The following ADAM2 variants were observed in gnomAD, a reference collection of about 807,000 sequenced individuals.
The protein encoded by ADAM2 is ADAM metallopeptidase domain 2.
Under a neutral mutation model 99.3 loss-of-function variants are expected in ADAM2, and 101 were observed. The observed-to-expected ratio is 1.02, with a 90% CI of 0.87 to 1.20. ADAM2 has a LOEUF of 1.20. Ranked by LOEUF, ADAM2 falls within the 50% of genes most tolerant of loss-of-function variation. The pLI is 0.00. For synonymous variants in ADAM2, 323 were observed against 287.6 expected (o/e 1.12, Z -1.25); for missense variants, 948 against 878.7 (o/e 1.08, Z -1.00).
intron 11 of ADAM2, among the ~76,000 whole-genome samples, chr8:39,771,063 C>T (rs1586075868): frequency 2.0e-5 from 3 of 152,168 alleles, no homozygotes; most frequent in East Asian, 3.9e-4. Flanking sequence ...TCATTCAGAG[C>T]AAAATCAGTG....
chr8:39,821,629 A>G lies in ADAM2; in HGVS notation c.301T>C (p.Tyr101His), dbSNP rs1335038638. 3.1e-6 allele frequency: 5 copies of G among 1,608,528 alleles called. No homozygotes were observed. The highest frequency in any genetic ancestry group is 4.3e-6 in the Non-Finnish European group (5 of 1,175,460). ...FCHYQGYIEG[Y>H]PKSVVMVSTC... ...CTAACCATCACCACAGATTTTGGAT[A>G]ACCTTCAATATACCCTTGGTAGTGG... The change falls in exon 5 of 21, where the codon TAT becomes CAT. Residue 101 changes from tyrosine (Y) to histidine (H), a missense_variant. Tyr to His is a moderately conservative substitution (Grantham distance 83, BLOSUM62 2). Transcript: ENST00000265708.
At chr8:39,766,339 C>G (rs1457081508) in intron 14 of ADAM2, among the ~76,000 whole-genome samples, 4 of 151,992 alleles carry the variant, frequency 2.6e-5, no homozygotes, top group African/African-American at 4.8e-5. Flanking sequence ...ATCTTTCCCT[C>G]TATTATTTTG....
At chr8:39,767,446 G>T (rs1014997964) in intron 12 of ADAM2, among the ~76,000 whole-genome samples, 195 bp from the exon 13 acceptor site, 1 of 152,164 alleles carries the variant, frequency 6.6e-6, no homozygotes, top group African/African-American at 2.4e-5. Context: ...CAGACCATGT[G>T]TTGCTCATAT....
At chr8:39,785,632 C>T (rs1203545121) in intron 10 of ADAM2, among the ~76,000 whole-genome samples, 1 of 151,908 alleles carries the variant, frequency 6.6e-6, no homozygotes, top group South Asian at 2.1e-4. Flanking sequence ...TTTGTCTCTA[C>T]CAAAAATACA....
intron 1 of ADAM2, among the ~76,000 whole-genome samples, chr8:39,837,420 G>C (rs557633231): frequency 6.7e-6 from 1 of 148,170 alleles, no homozygotes; most frequent in Admixed American, 6.8e-5. Context: ...TCACTCTGTC[G>C]CCCAGGCCCA....
At chr8:39,813,248 A>G (rs1452851692) in intron 6 of ADAM2, among the ~76,000 whole-genome samples, 2 of 152,190 alleles carry the variant, frequency 1.3e-5, no homozygotes, top group East Asian at 1.9e-4. Context: ...TAGAATGGTG[A>G]TCATTAAAAA....
At chr8:39,793,221 C>T (rs1563361706) in intron 7 of ADAM2, among the ~76,000 whole-genome samples, 2 of 152,114 alleles carry the variant, frequency 1.3e-5, no homozygotes, top group Admixed American at 6.6e-5. Context: ...GGTCTGAAGT[C>T]TACGTTCTGT....
chr8:39,775,236 T>C (rs1171092974), intron 11 of ADAM2, among the ~76,000 whole-genome samples: 1 of 152,130 alleles, frequency 6.6e-6, no homozygotes, highest in Non-Finnish European at 1.5e-5. Flanking sequence ...TTGACATTCA[T>C]AGATGTCAAA....
intron 10 of ADAM2, among the ~76,000 whole-genome samples, chr8:39,784,765 A>C (rs899016224): frequency 1.3e-5 from 2 of 152,202 alleles, no homozygotes; most frequent in Non-Finnish European, 2.9e-5. Context: ...AGTATAAGTC[A>C]CATTCTCCAA....
At chr8:39,798,815 G>GT (rs892683967) in intron 7 of ADAM2, among the ~76,000 whole-genome samples, 23 of 151,854 alleles carry the variant, frequency 1.5e-4, no homozygotes, top group South Asian at 4.2e-4. Flanking sequence ...AGACTCTCCA[G>GT]TTTTTTTTGC....
At chr8:39,773,918 A>G (rs917199488) in intron 11 of ADAM2, among the ~76,000 whole-genome samples, 1 of 151,962 alleles carries the variant, frequency 6.6e-6, no homozygotes, top group East Asian at 1.9e-4. Context: ...ATTAATATAC[A>G]GGCAAATATA....
chr8:39,830,648 C>A (rs1805575337), intron 3 of ADAM2, among the ~76,000 whole-genome samples: 1 of 152,064 alleles, frequency 6.6e-6, no homozygotes, highest in Non-Finnish European at 1.5e-5. Context: ...GGTTTAATGT[C>A]CTCTGGTCAT....
At chr8:39,764,035 C>T (rs1563341843) in intron 14 of ADAM2, among the ~76,000 whole-genome samples, 1 of 152,188 alleles carries the variant, frequency 6.6e-6, no homozygotes, top group Non-Finnish European at 1.5e-5. Flanking sequence ...GGTTGCCAAT[C>T]AAATAGTCTG....
intron 7 of ADAM2, among the ~76,000 whole-genome samples, chr8:39,795,193 T>A (rs1034632201): frequency 6.6e-6 from 1 of 152,068 alleles, no homozygotes; most frequent in Non-Finnish European, 1.5e-5. Flanking sequence ...GTGTAAGCTG[T>A]AAACACAAAA....
At chr8:39,767,116 A>G (rs1202469356) in intron 13 of ADAM2, 37 bp downstream of exon 13, 2 of 1,597,912 alleles carry the variant, frequency 1.3e-6, no homozygotes, top group Admixed American at 3.5e-5. Context: ...ATAACTACTT[A>G]TGTAGGTAAT....
chr8:39,769,882 A>G lies in ADAM2; in HGVS notation c.1029-307T>C, dbSNP rs1466441753. The stretch of plus-strand genomic sequence containing the variant: ...TGTTTCATTTGTGCTCTTTCTTTTT[A>G]TAACTTCTAAGTGCTGGGACACCCC... On this transcript the variant is annotated intron_variant, in intron 11 of 20. Coordinates refer to ENST00000265708, the MANE Select transcript of ADAM2 (RefSeq NM_001464.5). 5.9e-5 allele frequency among the ~76,000 whole-genome samples: 9 copies of G among 151,612 alleles called. 1 individual carries two copies. Among genetic ancestry groups the G allele is most frequent in the Non-Finnish European group, 1.5e-5 (1 of 67,942 alleles).
chr8:39,788,197 C>G lies in ADAM2; in HGVS notation c.697G>C (p.Asp233His), dbSNP rs184050936. ...CCAGTGGTTGCAATTTTATTTTCAT[C>G]TATCCAAAGCTCCAATGAAGACAGA... is the stretch of plus-strand genomic sequence containing the variant. ...IILSSLELWI[D>H]ENKIATTGEA... is the part of the protein sequence containing the mutation. Residue 233 changes from aspartate to histidine, a missense_variant, in exon 9 of 21, where the codon GAT becomes CAT. Coordinates refer to ENST00000265708, the MANE Select transcript of ADAM2 (RefSeq NM_001464.5). The G allele has an allele frequency of 4.4e-6, 7 of 1,574,000 alleles. No individual in the cohort carries two copies. In the Admixed American group the frequency reaches 1.0e-4, roughly 24 times the overall value.
intron 4 of ADAM2, 81 bp downstream of exon 4, chr8:39,824,738 A>T: frequency 1.3e-6 from 1 of 771,862 alleles, no homozygotes; most frequent in Non-Finnish European, 2.3e-6. Context: ...AACACTTTAG[A>T]CTCTAATAAC....
At chr8:39,808,060 T>C (rs1804513601) in intron 7 of ADAM2, among the ~76,000 whole-genome samples, 1 of 152,118 alleles carries the variant, frequency 6.6e-6, no homozygotes, top group Non-Finnish European at 1.5e-5. Context: ...TTACACTTAA[T>C]CATTGTCCTG....
Sources: gnomAD v4.1 joint callset for allele counts (sites outside exome capture counted in the v4.1 genomes callset) on GRCh38, gnomAD v4.1.1 for gene constraint, MANE v1.5 for transcripts, NCBI Gene and HGNC (gene_info 2026-07-23, HGNC 2026-07-21) for gene names.